Variants in PCDH15 observed in about 807,000 individuals in gnomAD.
PCDH15 encodes the protein protocadherin related 15.
In PCDH15, 129 loss-of-function variants were observed where a neutral mutation model predicts 178.5. The observed-to-expected ratio is 0.72, with a 90% CI of 0.63 to 0.84. The LOEUF is 0.84. PCDH15 is among the 40% of genes least tolerant of loss of function. The pLI is 0.00. For missense variants in PCDH15, 2,230 were observed against 2,099.9 expected, an observed-to-expected ratio of 1.06 and a Z score of -1.21; for synonymous variants, 800 against 732.0, an observed-to-expected ratio of 1.09 and a Z score of -1.50.
rs189593720 is a variant in PCDH15, at chr10:55,357,737, G to A, written c.-155-191086C>T. On this transcript the variant is annotated intron_variant, in intron 2 of 5. Transcript: ENST00000613346. ...AGTCACACATTAATATAAAGCATATGCCAGCCTATAGAGATTGTAAGAAAA... is the reference window on the plus strand; with the variant it reads ...AGTCACACATTAATATAAAGCATATACCAGCCTATAGAGATTGTAAGAAAA... Among the ~76,000 whole-genome samples, 5 of 151,922 alleles carry A rather than the reference G, an allele frequency of 3.3e-5. No individual in the cohort carries two copies. In the East Asian group the frequency reaches 7.7e-4, roughly 24 times the overall value.
intron 3 of PCDH15, among the ~76,000 whole-genome samples, chr10:54,828,842 C>T (rs1953176070): frequency 6.6e-6 from 1 of 151,736 alleles, no homozygotes; most frequent in Non-Finnish European, 1.5e-5. Flanking sequence ...AAACAGATAG[C>T]CAGAAGTGTT....
chr10:54,982,850 T>C (rs1443927586), intron 2 of PCDH15, among the ~76,000 whole-genome samples: 1 of 152,134 alleles, frequency 6.6e-6, no homozygotes, highest in African/African-American at 2.4e-5. Flanking sequence ...TATTAATAAT[T>C]ATGTACTACA....
chr10:54,961,534 C>T (rs1241817073), intron 2 of PCDH15, among the ~76,000 whole-genome samples: 4 of 152,170 alleles, frequency 2.6e-5, no homozygotes, highest in Non-Finnish European at 5.9e-5. Context: ...TTTTTCCAGG[C>T]CCACCCATGG....
At chr10:55,538,341 G>C (rs1418451376) in intron 2 of PCDH15, among the ~76,000 whole-genome samples, 2 of 152,122 alleles carry the variant, frequency 1.3e-5, no homozygotes, top group Non-Finnish European at 2.9e-5. Flanking sequence ...GTTTTTCATA[G>C]ACAAAAATGT....
At chr10:54,698,112 C>G (rs1014981131) in intron 1 of PCDH15, among the ~76,000 whole-genome samples, 2 of 151,964 alleles carry the variant, frequency 1.3e-5, no homozygotes, top group Non-Finnish European at 2.9e-5. Flanking sequence ...GTTACAGCCA[C>G]CTACAGAAAG....
chr10:54,276,986 T>G (rs2058384491), intron 8 of PCDH15, among the ~76,000 whole-genome samples: 1 of 151,640 alleles, frequency 6.6e-6, no homozygotes, highest in South Asian at 2.1e-4. Flanking sequence ...CTTCTGTAAT[T>G]ATTCTCTTTA....
chr10:54,701,192 C>A (rs1249998882), intron 1 of PCDH15, among the ~76,000 whole-genome samples: 1 of 152,044 alleles, frequency 6.6e-6, no homozygotes, highest in Non-Finnish European at 1.5e-5. Context: ...CCAAAAATTT[C>A]ATATCTAGCC....
At chr10:54,355,633 A>C (rs1418369) in intron 5 of PCDH15, among the ~76,000 whole-genome samples, 1 of 152,022 alleles carries the variant, frequency 6.6e-6, no homozygotes, top group Non-Finnish European at 1.5e-5. Context: ...TATGTATTAA[A>C]GATAAATTAT....
chr10:54,279,484 G>A (rs138200274), intron 8 of PCDH15, among the ~76,000 whole-genome samples: 130 of 151,698 alleles, frequency 8.6e-4, no homozygotes, highest in African/African-American at 2.7e-3. Context: ...GAAAGTTTCC[G>A]CAGTAGAGAA....
chr10:55,003,432 T>A (rs191163371), intron 2 of PCDH15, among the ~76,000 whole-genome samples: 9 of 152,118 alleles, frequency 5.9e-5, no homozygotes. Context: ...GAAATAATAT[T>A]GAAACATTGC....
At chr10:54,705,083 C>T (rs1394511325) in intron 1 of PCDH15, among the ~76,000 whole-genome samples, 2 of 152,062 alleles carry the variant, frequency 1.3e-5, no homozygotes, top group African/African-American at 4.8e-5. Context: ...GAAAACCAAA[C>T]ACTGCATGTT....
At chr10:54,127,015 C>T (rs977928897) in intron 15 of PCDH15, among the ~76,000 whole-genome samples, 2 of 151,986 alleles carry the variant, frequency 1.3e-5, no homozygotes, top group Non-Finnish European at 2.9e-5. Flanking sequence ...AAAAGCAATA[C>T]GGACATATTT....
At chr10:55,330,191 T>A (rs1481176777) in intron 2 of PCDH15, among the ~76,000 whole-genome samples, 1 of 151,864 alleles carries the variant, frequency 6.6e-6, no homozygotes, top group Non-Finnish European at 1.5e-5. Context: ...ATGTTTAGTA[T>A]CTAGATATTT....
intron 21 of PCDH15, among the ~76,000 whole-genome samples, chr10:53,974,356 T>A (rs1276017485): frequency 6.6e-6 from 1 of 152,148 alleles, no homozygotes; most frequent in Non-Finnish European, 1.5e-5. Context: ...AGGGGCTTTT[T>A]GTTTTCCATT....
chr10:54,853,314 TATATACATACAC>T (rs1564570290), intron 3 of PCDH15, among the ~76,000 whole-genome samples: 3 of 129,100 alleles, frequency 2.3e-5, no homozygotes, highest in Admixed American at 8.1e-5. Flanking sequence ...TATATATATA[TATATACATACAC>T]ACACATATAC....
At chr10:55,137,311 T>C (rs933088207) in intron 2 of PCDH15, among the ~76,000 whole-genome samples, 1 of 152,192 alleles carries the variant, frequency 6.6e-6, no homozygotes, top group African/African-American at 2.4e-5. Context: ...AATACACAAA[T>C]ACTTACCATT....
At chr10:54,445,851 A>T (rs111651193) in intron 3 of PCDH15, among the ~76,000 whole-genome samples, 1 of 151,532 alleles carries the variant, frequency 6.6e-6, no homozygotes, top group Non-Finnish European at 1.5e-5. Context: ...GTTTATTGTG[A>T]TCTTCTTTTC....
At chr10:53,838,556 A>C (rs2077447071) in intron 29 of PCDH15, among the ~76,000 whole-genome samples, 1 of 152,146 alleles carries the variant, frequency 6.6e-6, no homozygotes, top group African/African-American at 2.4e-5. Context: ...AATATAATAC[A>C]TATTTTTATA....
chr10:53,980,671 G>T (rs951643991), intron 21 of PCDH15, among the ~76,000 whole-genome samples: 2 of 152,158 alleles, frequency 1.3e-5, no homozygotes, highest in Admixed American at 1.3e-4. Flanking sequence ...CAGCAAAATA[G>T]TTCTTCTTAT....
Sources: gnomAD v4.1 joint callset for allele counts (sites outside exome capture counted in the v4.1 genomes callset) on GRCh38, gnomAD v4.1.1 for gene constraint, MANE v1.5 for transcripts, NCBI Gene and HGNC (gene_info 2026-07-23, HGNC 2026-07-21) for gene names.